The following CCM2 variants were observed in gnomAD, a reference collection of about 807,000 sequenced individuals.
The protein encoded by CCM2 is CCM2 scaffold protein.
In CCM2, 25 loss-of-function variants were observed where a neutral mutation model predicts 44.9. That is an observed-to-expected ratio of 0.56 (90% CI 0.41 to 0.78). The LOEUF is 0.78. Ranked by LOEUF, CCM2 falls within the 30% of genes least tolerant of loss-of-function variation. The probability of loss-of-function intolerance (pLI) is 0.00; values close to 1 mark genes in which losing one functional copy is unlikely to be tolerated. For synonymous variants in CCM2, 219 were observed against 241.1 expected, an observed-to-expected ratio of 0.91 and a Z score of 0.85; for missense variants, 481 against 580.6, an observed-to-expected ratio of 0.83 and a Z score of 1.76.
At chr7:45,029,923 G>T (rs903924030) in intron 1 of CCM2, among the ~76,000 whole-genome samples, 1 of 152,222 alleles carries the variant, frequency 6.6e-6, no homozygotes, top group Non-Finnish European at 1.5e-5. Flanking sequence ...GTAAGAATTT[G>T]TAAGGATCTA....
chr7:45,055,642 C>T (rs541673189), intron 2 of CCM2, among the ~76,000 whole-genome samples: 46 of 152,258 alleles, frequency 3.0e-4, no homozygotes, highest in Non-Finnish European at 6.0e-4. Flanking sequence ...GAGCTGAGAT[C>T]GCACCACTGC....
intron 1 of CCM2, among the ~76,000 whole-genome samples, chr7:45,022,599 C>T (rs1204067928): frequency 6.6e-6 from 1 of 151,822 alleles, no homozygotes; most frequent in Non-Finnish European, 1.5e-5. Flanking sequence ...AGCCACCGTG[C>T]CTGGCCTTTT....
chr7:45,057,825 C>G (rs1193654514), intron 2 of CCM2, among the ~76,000 whole-genome samples: 1 of 152,242 alleles, frequency 6.6e-6, no homozygotes, highest in Non-Finnish European at 1.5e-5. Flanking sequence ...TCCCTCCCCA[C>G]TTCCATCCTC....
chr7:45,020,581 C>T lies in CCM2; in HGVS notation c.31-17672C>T, dbSNP rs75868512. Reference sequence around the variant, plus strand: ...GTAATGCATCTGTAGGATTAATTCCCGAAAATGCACTTGCTGGGAAACATA... The same window carrying T: ...GTAATGCATCTGTAGGATTAATTCCTGAAAATGCACTTGCTGGGAAACATA... On this transcript the variant is annotated intron_variant, in intron 1 of 9. Transcript: ENST00000258781. 2.9e-3 allele frequency among the ~76,000 whole-genome samples: 437 copies of T among 152,134 alleles called. 8 individuals carry two copies. The highest frequency in any genetic ancestry group is 0.028 in the East Asian group (145 of 5,182).
At chr7:45,022,101 G>A (rs1006414304) in intron 1 of CCM2, among the ~76,000 whole-genome samples, 1 of 152,076 alleles carries the variant, frequency 6.6e-6, no homozygotes, top group Non-Finnish European at 1.5e-5. Context: ...AGTCTGAATT[G>A]TATGTCAAGT....
At chr7:45,032,288 T>A (rs1797004579) in intron 1 of CCM2, among the ~76,000 whole-genome samples, 1 of 152,120 alleles carries the variant, frequency 6.6e-6, no homozygotes, top group Non-Finnish European at 1.5e-5. Flanking sequence ...GTCCACAGAA[T>A]CTGCTTGTTA....
intron 2 of CCM2, among the ~76,000 whole-genome samples, chr7:45,054,132 C>T (rs559160888): frequency 2.6e-5 from 4 of 152,194 alleles, no homozygotes; most frequent in East Asian, 1.9e-4. Context: ...TGTCAGAACT[C>T]GTTAGACACA....
At chr7:45,073,369 CCA>C in intron 7 of CCM2, 89 bp from the exon 8 acceptor site, 1 of 804,404 alleles carries the variant, frequency 1.2e-6, no homozygotes, top group Middle Eastern at 2.3e-4. Context: ...GGACAGGGAC[CCA>C]CACACACGGC....
intron 2 of CCM2, among the ~76,000 whole-genome samples, chr7:45,052,148 T>C (rs1158126472): frequency 6.6e-6 from 1 of 152,248 alleles, no homozygotes; most frequent in East Asian, 1.9e-4. Context: ...TGGCAGCTGC[T>C]GCAGGCAGGA....
At chr7:45,059,311 G>A (rs1281800021) in intron 2 of CCM2, among the ~76,000 whole-genome samples, 1 of 151,898 alleles carries the variant, frequency 6.6e-6, no homozygotes, top group Non-Finnish European at 1.5e-5. Context: ...GGCCAGGCAT[G>A]GTGGCTCATG....
rs182111553 is a variant in CCM2 at position 45,033,236 on chromosome 7, G to A, written c.31-5017G>A. On this transcript the variant is annotated intron_variant, in intron 1 of 9. Transcript: ENST00000258781. ...CTGCAGAGGGTCTCTCTTTAGGGGTGGGATTGTAGGACGGGGGAGCGCCAG... is the reference window on the plus strand; with the variant it reads ...CTGCAGAGGGTCTCTCTTTAGGGGTAGGATTGTAGGACGGGGGAGCGCCAG... 5.9e-5 allele frequency among the ~76,000 whole-genome samples: 9 copies of A among 152,202 alleles called. No individual in the cohort carries two copies. The East Asian group carries it at 1.3e-3, about 23-fold the overall frequency.
chr7:45,070,500 C>G (rs1264115610), intron 6 of CCM2: 2 of 455,542 alleles, frequency 4.4e-6, no homozygotes, highest in African/African-American at 4.0e-5. Flanking sequence ...GCTGTCTCTT[C>G]CTGCATGGCC....
At chr7:45,020,046 C>G (rs756590374) in intron 1 of CCM2, among the ~76,000 whole-genome samples, 23 of 152,144 alleles carry the variant, frequency 1.5e-4, no homozygotes, top group Non-Finnish European at 3.1e-4. Flanking sequence ...CTCTCAATTT[C>G]CAGCTTCTTT....
intron 2 of CCM2, among the ~76,000 whole-genome samples, chr7:45,052,693 G>A (rs1302758813): frequency 1.3e-5 from 2 of 152,164 alleles, no homozygotes; most frequent in African/African-American, 4.8e-5. Flanking sequence ...AGCTCAGTTT[G>A]TGGCAGTCTA....
chr7:45,069,933 C>A lies in CCM2; in HGVS notation c.717C>A (p.Thr239=). The change falls in exon 6 of 10, where the codon ACC becomes ACA. Residue 239 remains threonine, a synonymous_variant. Coordinates refer to ENST00000258781, the MANE Select transcript of CCM2 (RefSeq NM_031443.4). The part of the protein sequence containing the change: ...LDRAIFDGAS[T]PTHHLSLHSD... ...GAGCGATATTTGATGGGGCCTCTACCCCGACCCACCACCTGTCCCTGCACA... is the reference window on the plus strand; with the variant it reads ...GAGCGATATTTGATGGGGCCTCTACACCGACCCACCACCTGTCCCTGCACA... 2 of 1,614,142 alleles carry A rather than the reference C, an allele frequency of 1.2e-6. No individual in the cohort carries two copies. Among genetic ancestry groups the A allele is most frequent in the Non-Finnish European group, 1.7e-6 (2 of 1,180,052 alleles).
chr7:45,064,064 A>T, intron 3 of CCM2, 63 bp downstream of exon 3: 8 of 1,167,446 alleles, frequency 6.9e-6, no homozygotes, highest in Non-Finnish European at 1.0e-5. Context: ...TGGTCCCTGT[A>T]CTCTTGGCCT....
intron 2 of CCM2, among the ~76,000 whole-genome samples, chr7:45,059,650 A>G (rs576733941): frequency 8.5e-5 from 13 of 152,112 alleles, no homozygotes; most frequent in African/African-American, 2.9e-4. Context: ...TAGTGGGAGG[A>G]TCGCTTCAGC....
intron 2 of CCM2, among the ~76,000 whole-genome samples, chr7:45,059,418 T>TA (rs55678662): frequency 2.5e-3 from 333 of 131,514 alleles, no homozygotes; most frequent in Non-Finnish European, 3.6e-3. Flanking sequence ...CCCTGTCTGT[T>TA]AAAAAAAAAA....
intron 9 of CCM2, among the ~76,000 whole-genome samples, chr7:45,074,984 T>C (rs1799273614): frequency 2.0e-5 from 3 of 152,242 alleles, no homozygotes; most frequent in Admixed American, 1.3e-4. Context: ...AATGTGTTGC[T>C]AGTAGCCAGT....
Sources: gnomAD v4.1 joint callset for allele counts (sites outside exome capture counted in the v4.1 genomes callset) on GRCh38, gnomAD v4.1.1 for gene constraint, MANE v1.5 for transcripts, NCBI Gene and HGNC (gene_info 2026-07-23, HGNC 2026-07-21) for gene names.